PDXP: variants seen among roughly 807,000 people sequenced by gnomAD.
PDXP encodes the protein pyridoxal phosphatase.
PDXP carries 15 observed loss-of-function variants against 14.4 expected under a neutral mutation model. The ratio of observed to expected loss-of-function variants is 1.04; its 90% CI spans 0.70 to 1.60. The LOEUF (loss-of-function observed/expected upper bound fraction) is 1.60, where lower values mean the gene tolerates loss of function less well. Among genes scored for constraint, PDXP ranks in the 40% most tolerant of loss-of-function variants. The pLI is 0.00. For synonymous variants in PDXP, 233 were observed against 205.6 expected (o/e 1.13, Z -1.14); for missense variants, 413 against 427.6 (o/e 0.97, Z 0.30).
chr22:37,660,969 T>G (rs564022472), intron 1 of PDXP, among the ~76,000 whole-genome samples: 1 of 152,252 alleles, frequency 6.6e-6, no homozygotes, highest in South Asian at 2.1e-4. Context: ...AGCCTCAGTT[T>G]CCCTATAAGT....
Position 37,659,136 on chromosome 22 carries a change from G to C in PDXP, c.354G>C (p.Leu118=), listed in dbSNP as rs1933146019. The stretch of plus-strand genomic sequence containing the variant: ...TGTTCGTGCTGGGCGGCGAGGGGCT[G>C]CGCGCCGAGCTGCGCGCCGCGGGGC... ...GAVFVLGGEG[L]RAELRAAGLR... is the part of the protein sequence containing the mutation. The change falls in exon 1 of 2, where the codon CTG becomes CTC. Residue 118 remains leucine (L), a synonymous_variant. Transcript: ENST00000215904. 1 of 1,018,558 alleles carries C rather than the reference G, an allele frequency of 9.8e-7. No homozygotes were observed. Among genetic ancestry groups the C allele is most frequent in the Non-Finnish European group, 1.2e-6 (1 of 853,736 alleles). The allele number at this position is 1,018,558 out of a possible 1,614,324, so 63.1% of individuals were successfully genotyped here. A position where few individuals can be genotyped will look rare whatever the true frequency, so the allele number is the denominator to read the frequency against.
chr22:37,663,936 T>C (rs1920992366), intron 1 of PDXP, among the ~76,000 whole-genome samples: 1 of 117,458 alleles, frequency 8.5e-6, no homozygotes, highest in Admixed American at 8.5e-5. Context: ...TTTTTTTTTT[T>C]TTTTTTTTTG....
rs1480149321 is a variant in PDXP, at chr22:37,659,022, G to A, written c.240G>A (p.Leu80=). ...LRFARLGFGG[L]RAEQLFSSAL... is the part of the protein sequence containing the mutation. ...TCGCGCGCCTCGGCTTCGGGGGGCT[G>A]CGCGCCGAGCAGCTCTTCAGCTCCG... Residue 80 remains leucine, a synonymous_variant, in exon 1 of 2, where the codon CTG becomes CTA. Coordinates refer to ENST00000215904, the MANE Select transcript of PDXP (RefSeq NM_020315.5). The A allele has an allele frequency of 1.8e-5, 21 of 1,180,706 alleles. No homozygotes were observed. The highest frequency in any genetic ancestry group is 4.4e-5 in the Admixed American group (1 of 22,692). 73.1% of individuals were successfully genotyped at this position (1,180,706 alleles called of 1,614,324 possible). A position where few individuals can be genotyped will look rare whatever the true frequency, so the allele number is the denominator to read the frequency against.
At chr22:37,664,061 G>T (rs62236666) in intron 1 of PDXP, among the ~76,000 whole-genome samples, 45,443 of 150,118 alleles carry the variant, frequency 0.3, 7,085 homozygotes, top group Middle Eastern at 0.37. Flanking sequence ...CTCCCAAATA[G>T]CTGGGATTAC....
chr22:37,665,286 GC>G lies in PDXP; in HGVS notation c.575-267del, dbSNP rs112550677. On this transcript the variant is annotated intron_variant, in intron 1 of 1. Coordinates refer to ENST00000215904, the MANE Select transcript of PDXP (RefSeq NM_020315.5). ...CTCACAGTACCCACATGAGATAAGT[GC>G]CGTAGACATCCCCATATTAGAGATG... Among the ~76,000 whole-genome samples the G allele has an allele frequency of 7.1e-3, 1,078 of 152,132 alleles. 9 individuals are homozygous for G. The highest frequency in any genetic ancestry group is 0.024 in the African/African-American group (1,015 of 41,514).
Position 37,665,763 on chromosome 22 carries a change from C to T in PDXP, c.783C>T (p.Val261=). The change falls in exon 2 of 2, where the codon GTC becomes GTT. Residue 261 remains valine (V), a synonymous_variant. Coordinates refer to ENST00000215904, the MANE Select transcript of PDXP (RefSeq NM_020315.5). The part of the protein sequence containing the change: ...GMTTVLTLTG[V]SRLEEAQAYL... ...CCACTGTGCTCACGCTCACAGGAGTCTCCCGCCTAGAAGAGGCCCAGGCCT... is the reference window on the plus strand; with the variant it reads ...CCACTGTGCTCACGCTCACAGGAGTTTCCCGCCTAGAAGAGGCCCAGGCCT... The T allele has an allele frequency of 6.2e-7, 1 of 1,614,122 alleles. No homozygotes were observed. Among genetic ancestry groups the T allele is most frequent in the Non-Finnish European group, 8.5e-7 (1 of 1,180,050 alleles).
At chr22:37,661,797 T>C (rs1933209321) in intron 1 of PDXP, among the ~76,000 whole-genome samples, 1 of 152,022 alleles carries the variant, frequency 6.6e-6, no homozygotes, top group South Asian at 2.1e-4. Context: ...AAGGACAGAG[T>C]TGGGGCCATT....
rs1469523922 is a variant in PDXP, at chr22:37,658,762, G to A, written c.-21G>A. On this transcript the variant is annotated 5_prime_UTR_variant, in exon 1 of 2. Coordinates refer to ENST00000215904, the MANE Select transcript of PDXP (RefSeq NM_020315.5). ...CCCGCGGAGAGAGCGCGGCGCGGGA[G>A]GCCGGCGGCCGGCCGGCTGCATGGC... 40 of 1,155,346 alleles carry A rather than the reference G, an allele frequency of 3.5e-5. No individual in the cohort carries two copies. In the East Asian group the frequency reaches 1.4e-3, roughly 39 times the overall value. The allele number at this position is 1,155,346 out of a possible 1,614,324, so 71.6% of individuals were successfully genotyped here.
rs539658966 is a variant in PDXP, at chr22:37,658,739, C to A, written c.-44C>A. ...CGTGCCAGGGAGAGCGCGCCGTGCC[C>A]GCGGAGAGAGCGCGGCGCGGGAGGC... On this transcript the variant is annotated 5_prime_UTR_variant, in exon 1 of 2. Coordinates refer to ENST00000215904, the MANE Select transcript of PDXP (RefSeq NM_020315.5). 1.6e-5 allele frequency: 18 copies of A among 1,093,582 alleles called. No homozygotes were observed. In the East Asian group the frequency reaches 7.1e-4, roughly 43 times the overall value. The allele number at this position is 1,093,582 out of a possible 1,614,324, so 67.7% of individuals were successfully genotyped here.
At chr22:37,663,872 C>A (rs1350802483) in intron 1 of PDXP, among the ~76,000 whole-genome samples, 7 of 148,730 alleles carry the variant, frequency 4.7e-5, no homozygotes, top group Non-Finnish European at 1.0e-4. Context: ...GCAGGCTGGG[C>A]CTTTTATTTA....
chr22:37,665,403 T>TA lies in PDXP; in HGVS notation c.575-150dup, dbSNP rs563864494. 2.4e-3 allele frequency: 1,534 copies of TA among 634,522 alleles called. 6 individuals carry two copies. Among genetic ancestry groups the TA allele is most frequent in the Non-Finnish European group, 3.1e-3 (1,126 of 367,138 alleles). 39.3% of individuals were successfully genotyped at this position (634,522 alleles called of 1,614,324 possible). On this transcript the variant is annotated intron_variant, in intron 1 of 1. Coordinates refer to ENST00000215904, the MANE Select transcript of PDXP (RefSeq NM_020315.5). ...GGCATCTGGTTGCCGTCTCTACCCT[T>TA]AACCACTACAGTGAGACTCGGAAGT...
At position 37,666,720 on chromosome 22, in the gene PDXP, AC is replaced by A. The variant is rs377454345; in HGVS notation, c.*850del. On this transcript the variant is annotated 3_prime_UTR_variant, in exon 2 of 2. Coordinates refer to ENST00000215904, the MANE Select transcript of PDXP (RefSeq NM_020315.5). The stretch of plus-strand genomic sequence containing the variant: ...ACCCTTTCCTGGTCATGGTACCCGT[AC>A]AGCGTTGATGGCCACAGCTCGAAGG... 105 of 167,248 alleles carry A rather than the reference AC, an allele frequency of 6.3e-4. No individual in the cohort carries two copies. Among genetic ancestry groups the A allele is most frequent in the African/African-American group, 2.3e-3 (95 of 41,572 alleles). The allele number at this position is 167,248 out of a possible 1,614,324, so 10.4% of individuals were successfully genotyped here.
intron 1 of PDXP, among the ~76,000 whole-genome samples, chr22:37,663,945 T>TTTTTTA: frequency 1.0e-5 from 1 of 95,890 alleles, no homozygotes; most frequent in African/African-American, 3.5e-5. Context: ...TTTTTTTTTT[T>TTTTTTA]GAGCCAGAGC....
chr22:37,660,370 C>T (rs1030361486), intron 1 of PDXP, among the ~76,000 whole-genome samples: 3 of 152,032 alleles, frequency 2.0e-5, no homozygotes, highest in African/African-American at 7.2e-5. Flanking sequence ...CCCTCCAACC[C>T]TCCAACCGCA....
At chr22:37,665,175 G>C (rs1392374908) in intron 1 of PDXP, 1 of 273,322 alleles carries the variant, frequency 3.7e-6, no homozygotes. Flanking sequence ...TTTGTCCAAA[G>C]GTCCACGGCT....
rs575236040 is a variant in PDXP at position 37,663,799 on chromosome 22, C to T, written c.575-1756C>T. Among the ~76,000 whole-genome samples, 33 of 152,040 alleles carry T rather than the reference C, an allele frequency of 2.2e-4. No individual in the cohort carries two copies. The South Asian group carries it at 6.9e-3, about 32-fold the overall frequency. The stretch of plus-strand genomic sequence containing the variant: ...GACAGCAGTGAAGAGTGCCCTGGAC[C>T]GGATGTCGGTGTTACAGAGGCCAAT... On this transcript the variant is annotated intron_variant, in intron 1 of 1. Transcript: ENST00000215904.
intron 1 of PDXP, among the ~76,000 whole-genome samples, chr22:37,660,703 C>G (rs967245271): frequency 4.6e-5 from 7 of 152,166 alleles, no homozygotes; most frequent in Non-Finnish European, 5.9e-5. Flanking sequence ...CCCGGACAGT[C>G]ATTGATATTA....
rs1467218260 is a variant in PDXP at position 37,666,033 on chromosome 22, C to G, written c.*162C>G. 10 of 700,638 alleles carry G rather than the reference C, an allele frequency of 1.4e-5. No individual in the cohort carries two copies. The highest frequency in any genetic ancestry group is 2.4e-5 in the Non-Finnish European group (10 of 414,148). The allele number at this position is 700,638 out of a possible 1,614,324, so 43.4% of individuals were successfully genotyped here. On this transcript the variant is annotated 3_prime_UTR_variant, in exon 2 of 2. Coordinates refer to ENST00000215904, the MANE Select transcript of PDXP (RefSeq NM_020315.5). ...GGAAGGTTTGAGGGCCCTTGCAACC[C>G]CCTCCCAGCAGTGGCTGGGCACTCT... is the stretch of plus-strand genomic sequence containing the variant.
intron 1 of PDXP, 140 bp downstream of exon 1, chr22:37,659,496 TTGGTG>T (rs2146086357): frequency 1.8e-6 from 1 of 552,684 alleles, no homozygotes; most frequent in South Asian, 9.2e-5. Context: ...CCAGGGTGCT[TTGGTG>T]TGGGGGGCGG....
Sources: gnomAD v4.1 joint callset for allele counts (sites outside exome capture counted in the v4.1 genomes callset) on GRCh38, gnomAD v4.1.1 for gene constraint, MANE v1.5 for transcripts, NCBI Gene and HGNC (gene_info 2026-07-23, HGNC 2026-07-21) for gene names.